The following CDK17 variants were observed in gnomAD, a reference collection of about 807,000 sequenced individuals.
CDK17 encodes cyclin-dependent kinase 17.
A neutral mutation model predicts 77.6 loss-of-function variants in CDK17; 24 were observed. The ratio of observed to expected loss-of-function variants is 0.31; its 90% CI spans 0.22 to 0.44. CDK17 has a LOEUF of 0.44. Among genes scored for constraint, CDK17 ranks in the 20% least tolerant of loss-of-function variants. CDK17 has a pLI of 1.00. For synonymous variants in CDK17, 203 were observed against 210.4 expected (o/e 0.96, Z 0.30); for missense variants, 429 against 622.5 (o/e 0.69, Z 3.31).
intron 3 of CDK17, among the ~76,000 whole-genome samples, chr12:96,316,680 C>A (rs543015644): frequency 3.9e-5 from 5 of 127,420 alleles, no homozygotes; most frequent in South Asian, 5.0e-4. Context: ...CTGTGAGGCA[C>A]CCCCCAGCAG....
chr12:96,288,048 AAGTGGGTAC>A (rs773997499), intron 11 of CDK17, among the ~76,000 whole-genome samples: 20 of 152,106 alleles, frequency 1.3e-4, no homozygotes, highest in Non-Finnish European at 1.5e-4. Context: ...AGAAATTGTT[AAGTGGGTAC>A]AGAGTTTTGG....
intron 7 of CDK17, 58 bp from the exon 8 acceptor site, chr12:96,297,779 G>C: frequency 3.2e-6 from 3 of 946,428 alleles, no homozygotes; most frequent in Non-Finnish European, 5.1e-6. Flanking sequence ...AAAACCTGAA[G>C]TAAGTTGAAC....
chr12:96,298,192 C>T (rs1391193901), intron 7 of CDK17, among the ~76,000 whole-genome samples: 3 of 151,730 alleles, frequency 2.0e-5, no homozygotes, highest in Non-Finnish European at 4.4e-5. Context: ...GAGGCTAAGG[C>T]AGGAGAATGG....
At chr12:96,365,612 A>T (rs1387272808) in intron 1 of CDK17, among the ~76,000 whole-genome samples, 1 of 152,242 alleles carries the variant, frequency 6.6e-6, no homozygotes, top group Non-Finnish European at 1.5e-5. Flanking sequence ...GAAAAACTAC[A>T]CCTAAAAGCA....
At chr12:96,395,415 G>A (rs1011161587) in intron 1 of CDK17, among the ~76,000 whole-genome samples, 1 of 152,142 alleles carries the variant, frequency 6.6e-6, no homozygotes, top group Non-Finnish European at 1.5e-5. Flanking sequence ...TGGTTTGAAT[G>A]CCTAAACTGG....
At chr12:96,348,523 C>CAAAAAAA (rs35363324) in intron 1 of CDK17, among the ~76,000 whole-genome samples, 11 of 66,352 alleles carry the variant, frequency 1.7e-4, no homozygotes, top group Non-Finnish European at 2.1e-4. Flanking sequence ...GACTCTGTCT[C>CAAAAAAA]AAAAAAAAAA....
intron 1 of CDK17, chr12:96,387,186 G>A (rs1032480536): frequency 3.1e-5 from 8 of 260,216 alleles, no homozygotes; most frequent in South Asian, 5.9e-5. Context: ...AAAATCTCAT[G>A]AGCTTCATCC....
In CDK17 at chr12:96,283,596, G is replaced by C. The variant is rs530345801; in HGVS notation, c.1365+7C>G. ...CTATTTAACAATTACTGTAAGAACTGACTTACCTGAAGAAATTTTGTTATC... is the reference window on the plus strand; with the variant it reads ...CTATTTAACAATTACTGTAAGAACTCACTTACCTGAAGAAATTTTGTTATC... On this transcript the variant is annotated splice_region_variant and intron_variant, in intron 14 of 16. Coordinates refer to ENST00000261211, the MANE Select transcript of CDK17 (RefSeq NM_002595.5). 2 of 1,571,130 alleles carry C rather than the reference G, an allele frequency of 1.3e-6. No homozygotes were observed. The highest frequency in any genetic ancestry group is 2.2e-5 in the South Asian group (2 of 89,382).
chr12:96,380,282 G>GTTTT, intron 1 of CDK17, among the ~76,000 whole-genome samples: 1 of 116,200 alleles, frequency 8.6e-6, no homozygotes, highest in Non-Finnish European at 1.9e-5. Context: ...CTTTTTAGCT[G>GTTTT]GTTTTTTTTT....
rs1033786239 is a variant in CDK17, at chr12:96,294,885, G to A, written c.997+114C>T. 3.0e-5 allele frequency: 26 copies of A among 856,462 alleles called. No individual in the cohort carries two copies. The African/African-American group carries it at 3.6e-4, about 12-fold the overall frequency. The allele number at this position is 856,462 out of a possible 1,614,324, so 53.1% of individuals were successfully genotyped here. A position where few individuals can be genotyped will look rare whatever the true frequency, so the allele number is the denominator to read the frequency against. On this transcript the variant is annotated intron_variant, in intron 10 of 16. Coordinates refer to ENST00000261211, the MANE Select transcript of CDK17 (RefSeq NM_002595.5). ...CAAATATCTTATTCTGTGGGCTACC[G>A]AGAAAATTTCCAAACCCACATAAAA...
At chr12:96,293,499 T>C (rs189775414) in intron 10 of CDK17, among the ~76,000 whole-genome samples, 2 of 152,312 alleles carry the variant, frequency 1.3e-5, no homozygotes, top group Admixed American at 6.5e-5. Flanking sequence ...CACACAGATA[T>C]GAGGTTGAAA....
At chr12:96,310,181 G>T (rs1952629426) in intron 5 of CDK17, among the ~76,000 whole-genome samples, 1 of 152,050 alleles carries the variant, frequency 6.6e-6, no homozygotes, top group South Asian at 2.1e-4. Context: ...AAATAGGGCT[G>T]AAACTCACAA....
chr12:96,351,045 C>G (rs1378562266), intron 1 of CDK17, among the ~76,000 whole-genome samples: 1 of 152,086 alleles, frequency 6.6e-6, no homozygotes, highest in Admixed American at 6.6e-5. Context: ...GTACATCGCA[C>G]CAAAGATATA....
At chr12:96,395,074 C>T (rs1336588516) in intron 1 of CDK17, among the ~76,000 whole-genome samples, 1 of 152,080 alleles carries the variant, frequency 6.6e-6, no homozygotes, top group African/African-American at 2.4e-5. Flanking sequence ...CCGGGTTTCA[C>T]CATGTTGGCC....
intron 1 of CDK17, among the ~76,000 whole-genome samples, chr12:96,393,077 A>G (rs964713259): frequency 6.6e-6 from 1 of 152,154 alleles, no homozygotes; most frequent in African/African-American, 2.4e-5. Flanking sequence ...CTTAAAACCA[A>G]TTTAAGGCCA....
At chr12:96,378,955 C>T (rs1953832122) in intron 1 of CDK17, among the ~76,000 whole-genome samples, 1 of 152,240 alleles carries the variant, frequency 6.6e-6, no homozygotes, top group Middle Eastern at 3.4e-3. Context: ...CATCTTTCTA[C>T]ATACTTGAGT....
chr12:96,368,319 CTGTTCCCTCT>C (rs1352093652), intron 1 of CDK17, among the ~76,000 whole-genome samples: 1 of 152,204 alleles, frequency 6.6e-6, no homozygotes, highest in Non-Finnish European at 1.5e-5. Context: ...AGTGACTGAA[CTGTTCCCTCT>C]TGTTCCCTCT....
At chr12:96,323,284 ACAAAAAC>A (rs1952847889) in intron 3 of CDK17, among the ~76,000 whole-genome samples, 2 of 95,962 alleles carry the variant, frequency 2.1e-5, no homozygotes, top group South Asian at 5.9e-4. Flanking sequence ...AAAAAAAAAA[ACAAAAAC>A]AAACAAACAA....
chr12:96,361,097 C>A (rs772682378), intron 1 of CDK17, among the ~76,000 whole-genome samples: 7 of 152,110 alleles, frequency 4.6e-5, no homozygotes, highest in Admixed American at 1.3e-4. Flanking sequence ...TCCAGACCTC[C>A]GAAAAGAAAA....
Sources: allele counts gnomAD v4.1 joint callset (sites outside exome capture counted in the v4.1 genomes callset), GRCh38; gene constraint gnomAD v4.1.1; transcripts MANE v1.5; gene names NCBI Gene and HGNC (gene_info 2026-07-23, HGNC 2026-07-21).